The following SKP2 variants were observed in gnomAD, a reference collection of about 807,000 sequenced individuals.
The protein encoded by SKP2 is S-phase kinase-associated protein 2.
A neutral mutation model predicts 51.8 loss-of-function variants in SKP2; 16 were observed. The observed-to-expected ratio is 0.31, with a 90% confidence interval of 0.21 to 0.47. The LOEUF is 0.47. SKP2 is among the 20% of genes least tolerant of loss of function. The probability of loss-of-function intolerance (pLI) is 1.00; values close to 1 mark genes in which losing one functional copy is unlikely to be tolerated. For synonymous variants in SKP2, 176 were observed against 198.6 expected, an observed-to-expected ratio of 0.89 and a Z score of 0.96; for missense variants, 377 against 505.3, an observed-to-expected ratio of 0.75 and a Z score of 2.43.
At chr5:36,176,456 T>C (rs528561424) in intron 7 of SKP2, among the ~76,000 whole-genome samples, 12 of 151,398 alleles carry the variant, frequency 7.9e-5, no homozygotes, top group African/African-American at 2.9e-4. Flanking sequence ...TAATATTTAA[T>C]ATATTATTAC....
At chr5:36,158,027 A>C (rs1745006704) in intron 2 of SKP2, among the ~76,000 whole-genome samples, 1 of 152,210 alleles carries the variant, frequency 6.6e-6, no homozygotes, top group Admixed American at 6.5e-5. Context: ...AAATAATTGG[A>C]AACAGTGGTA....
chr5:36,177,867 G>T lies in SKP2; in HGVS notation c.1061+575G>T, dbSNP rs137886702. ...GTGACTTATTCAAACCTGATGGTGA[G>T]TTGGTGGCTGACCTGGATCTAAATC... On this transcript the variant is annotated intron_variant, in intron 9 of 9. Coordinates refer to ENST00000274255, the MANE Select transcript of SKP2 (RefSeq NM_005983.4). Among the ~76,000 whole-genome samples the T allele has an allele frequency of 2.9e-3, 448 of 152,246 alleles. 1 individual carries two copies. Among genetic ancestry groups the T allele is most frequent in the African/African-American group, 0.01 (431 of 41,560 alleles).
chr5:36,152,628 C>T (rs1310921855), intron 1 of SKP2, 143 bp from the exon 2 acceptor site: 4 of 821,704 alleles, frequency 4.9e-6, no homozygotes, highest in Non-Finnish European at 5.7e-6. Flanking sequence ...CTTGGTAACT[C>T]GCCGCAGGCA....
chr5:36,165,020 A>G (rs1318432102), intron 3 of SKP2, among the ~76,000 whole-genome samples: 1 of 152,192 alleles, frequency 6.6e-6, no homozygotes, highest in Non-Finnish European at 1.5e-5. Flanking sequence ...TTCATCCTGC[A>G]TATCTGTGGC....
chr5:36,172,821 C>T (rs1266077461), intron 7 of SKP2, among the ~76,000 whole-genome samples: 1 of 152,152 alleles, frequency 6.6e-6, no homozygotes, highest in African/African-American at 2.4e-5. Context: ...CCATTCCAAA[C>T]ACTTGCATTT....
At position 36,183,169 on chromosome 5, in the gene SKP2, A is replaced by G; in HGVS notation, c.*1138A>G. The G allele has an allele frequency of 1.0e-6, 1 of 974,126 alleles. No individual in the cohort carries two copies. The highest frequency in any genetic ancestry group is 1.2e-6 in the Non-Finnish European group (1 of 819,504). 60.3% of individuals were successfully genotyped at this position (974,126 alleles called of 1,614,324 possible). On this transcript the variant is annotated 3_prime_UTR_variant, in exon 10 of 10. Coordinates refer to ENST00000274255, the MANE Select transcript of SKP2 (RefSeq NM_005983.4). ...TAGTAAGCACTACTTATACCTACAT[A>G]AGAGTTAAAATCCAGATGTGGGACC...
intron 2 of SKP2, chr5:36,155,098 GTTGT>G (rs1744901263): frequency 6.6e-6 from 1 of 152,150 alleles, no homozygotes; most frequent in African/African-American, 2.4e-5. Flanking sequence ...TGATAGATTG[GTTGT>G]TTAGTTGATT....
chr5:36,174,199 C>T (rs1745559811), intron 7 of SKP2, among the ~76,000 whole-genome samples: 1 of 152,074 alleles, frequency 6.6e-6, no homozygotes, highest in South Asian at 2.1e-4. Context: ...AATCATCTCT[C>T]CTTTGAAGTA....
chr5:36,179,380 C>T lies in SKP2; in HGVS notation c.1061+2088C>T, dbSNP rs118075140. On this transcript the variant is annotated intron_variant, in intron 9 of 9. Transcript: ENST00000274255. ...AAAGAACTTAAGGCTATTTATTTCT[C>T]GGAAGTGGGAAAATACAATTTGAAT... 5.5e-4 allele frequency among the ~76,000 whole-genome samples: 84 copies of T among 152,166 alleles called. No individual in the cohort carries two copies. In the East Asian group the frequency reaches 0.015, roughly 28 times the overall value.
intron 9 of SKP2, among the ~76,000 whole-genome samples, chr5:36,181,116 A>C (rs1360022729): frequency 6.6e-6 from 1 of 152,230 alleles, no homozygotes; most frequent in Non-Finnish European, 1.5e-5. Flanking sequence ...TCTAATGTGA[A>C]ATACCTAAAG....
At chr5:36,168,947 T>C (rs759538206) in intron 5 of SKP2, among the ~76,000 whole-genome samples, 7 of 152,174 alleles carry the variant, frequency 4.6e-5, no homozygotes, top group Admixed American at 3.3e-4. Context: ...ATTGAAGATA[T>C]CTAGGTAGGA....
chr5:36,177,456 G>T, intron 9 of SKP2, 164 bp downstream of exon 9: 1 of 707,666 alleles, frequency 1.4e-6, no homozygotes, highest in South Asian at 1.5e-5. Flanking sequence ...GCTTAAACTG[G>T]TGAAATTGAG....
At chr5:36,185,012 A>G (rs1320904161), downstream of SKP2, among the ~76,000 whole-genome samples, 1 of 152,228 alleles carries the variant, frequency 6.6e-6, no homozygotes, top group Non-Finnish European at 1.5e-5. Flanking sequence ...TCTGATGGCC[A>G]GTGATGATGA....
chr5:36,181,705 C>A, intron 9 of SKP2, 113 bp from the exon 10 acceptor site: 1 of 1,072,554 alleles, frequency 9.3e-7, no homozygotes, highest in South Asian at 1.5e-5. Flanking sequence ...GTAAATTACA[C>A]TTTCAGACTG....
chr5:36,184,059 T>C lies in SKP2; in HGVS notation c.*2028T>C, dbSNP rs538406221. The C allele has an allele frequency of 9.1e-6, 9 of 993,174 alleles. No homozygotes were observed. The highest frequency in any genetic ancestry group is 1.3e-5 in the Non-Finnish European group (9 of 669,620). 61.5% of individuals were successfully genotyped at this position (993,174 alleles called of 1,614,324 possible). ...TGCTTAAACTAAGTTGTATTCCTTT[T>C]TTCTTTCTCTTTTTTTAAGTGCTGT... On this transcript the variant is annotated 3_prime_UTR_variant, in exon 10 of 10. Coordinates refer to ENST00000274255, the MANE Select transcript of SKP2 (RefSeq NM_005983.4).
In SKP2 at chr5:36,152,173, C is replaced by A. The variant is rs778989402; in HGVS notation, c.-90C>A. ...CTGCTGGGGGCCCGAGCAGCACGCT[C>A]GGAGCCGCCGCGCGCCAAAGCGGGA... On this transcript the variant is annotated 5_prime_UTR_variant, in exon 1 of 10. Transcript: ENST00000274255. The A allele has an allele frequency of 2.8e-6, 4 of 1,427,174 alleles. No individual in the cohort carries two copies. Among genetic ancestry groups the A allele is most frequent in the African/African-American group, 2.8e-5 (2 of 71,124 alleles). The allele number at this position is 1,427,174 out of a possible 1,614,324, so 88.4% of individuals were successfully genotyped here. A position where few individuals can be genotyped will look rare whatever the true frequency, so the allele number is the denominator to read the frequency against.
chr5:36,163,799 G>A (rs866574362), intron 3 of SKP2, 43 bp downstream of exon 3: 2 of 1,268,746 alleles, frequency 1.6e-6, no homozygotes, highest in Middle Eastern at 1.8e-4. Context: ...GGGAGGAAGA[G>A]GAGAGGAAGG....
In SKP2 at chr5:36,152,759, G is replaced by T. The variant is rs1381637123; in HGVS notation, c.9-12G>T. ...TTTCGAAAGGAACCGGGGGTATTGT[G>T]CACTTCTGCAGGAAGCACCTCCAGG... On this transcript the variant is annotated splice_polypyrimidine_tract_variant and intron_variant, in intron 1 of 9. Coordinates refer to ENST00000274255, the MANE Select transcript of SKP2 (RefSeq NM_005983.4). 1 of 1,611,220 alleles carries T rather than the reference G, an allele frequency of 6.2e-7. No homozygotes were observed. The highest frequency in any genetic ancestry group is 8.5e-7 in the Non-Finnish European group (1 of 1,178,868).
intron 2 of SKP2, among the ~76,000 whole-genome samples, chr5:36,162,001 A>G (rs747144828): frequency 7.9e-5 from 12 of 152,234 alleles, no homozygotes; most frequent in Non-Finnish European, 1.2e-4. Context: ...ATGTATTCAT[A>G]TGTAAGAGTT....
Sources: allele counts gnomAD v4.1 joint callset (sites outside exome capture counted in the v4.1 genomes callset), GRCh38; gene constraint gnomAD v4.1.1; transcripts MANE v1.5; gene names NCBI Gene and HGNC (gene_info 2026-07-23, HGNC 2026-07-21).